The following SIPA1L2 variants were observed in gnomAD, a reference collection of about 807,000 sequenced individuals.
The protein encoded by SIPA1L2 is signal-induced proliferation-associated 1-like protein 2.
A neutral mutation model predicts 163.9 loss-of-function variants in SIPA1L2; 56 were observed. The ratio of observed to expected loss-of-function variants is 0.34; its 90% confidence interval spans 0.28 to 0.43. SIPA1L2 has a LOEUF of 0.43. Ranked by LOEUF, SIPA1L2 falls within the 20% of genes least tolerant of loss-of-function variation. The probability of loss-of-function intolerance (pLI) is 1.00; values close to 1 mark genes in which losing one functional copy is unlikely to be tolerated. For missense variants in SIPA1L2, 1,974 were observed against 2,193.5 expected (o/e 0.90, Z 2.00); for synonymous variants, 877 against 865.7 (o/e 1.01, Z -0.23).
intron 1 of SIPA1L2, among the ~76,000 whole-genome samples, chr1:232,605,320 C>CA (rs1162223571): frequency 6.6e-6 from 1 of 152,154 alleles, no homozygotes; most frequent in Non-Finnish European, 1.5e-5. Flanking sequence ...CCCAGCCACC[C>CA]AAGGTAGTAC....
intron 1 of SIPA1L2, among the ~76,000 whole-genome samples, chr1:232,625,131 CTCTT>C (rs1468559032): frequency 6.6e-6 from 1 of 152,228 alleles, no homozygotes; most frequent in Admixed American, 6.5e-5. Context: ...GTTTGACACA[CTCTT>C]TCAGGATATC....
chr1:232,490,625 G>T (rs1665878323), intron 5 of SIPA1L2: 1 of 392,692 alleles, frequency 2.5e-6, no homozygotes, highest in Non-Finnish European at 4.5e-6. Context: ...ATGCACTCTT[G>T]CAAGCTGGGA....
At chr1:232,537,348 T>C (rs1657369885) in intron 2 of SIPA1L2, among the ~76,000 whole-genome samples, 1 of 152,150 alleles carries the variant, frequency 6.6e-6, no homozygotes, top group African/African-American at 2.4e-5. Flanking sequence ...TCAATAAAAT[T>C]AAGAAATATT....
chr1:232,440,699 T>C (rs1662836940), intron 14 of SIPA1L2, among the ~76,000 whole-genome samples: 1 of 152,378 alleles, frequency 6.6e-6, no homozygotes, highest in East Asian at 1.9e-4. Flanking sequence ...ATGTTGGCTT[T>C]ATTTGTAATA....
intron 16 of SIPA1L2, among the ~76,000 whole-genome samples, chr1:232,429,982 A>C (rs1170315909): frequency 6.6e-6 from 1 of 152,224 alleles, no homozygotes; most frequent in Non-Finnish European, 1.5e-5. Flanking sequence ...ATATGTGTTA[A>C]AATATGTGTT....
In SIPA1L2 at chr1:232,509,777, A is replaced by G. The variant is rs111659039; in HGVS notation, c.1483+4080T>C. On this transcript the variant is annotated intron_variant, in intron 3 of 22. Coordinates refer to ENST00000674635, the MANE Select transcript of SIPA1L2 (RefSeq NM_020808.5). ...AAGAGCAGGAGCAGATGCCATTGTA[A>G]CCAATTTCACTTTGAAGTCACACTG... 5.3e-3 allele frequency among the ~76,000 whole-genome samples: 814 copies of G among 152,300 alleles called. 9 individuals carry two copies. The highest frequency in any genetic ancestry group is 0.018 in the African/African-American group (768 of 41,570).
At chr1:232,500,824 G>A (rs928413741) in intron 3 of SIPA1L2, among the ~76,000 whole-genome samples, 3 of 152,142 alleles carry the variant, frequency 2.0e-5, no homozygotes, top group African/African-American at 7.2e-5. Context: ...TGGGTCAAAT[G>A]CTATCAAATA....
At chr1:232,629,612 G>T (rs1663269729) in intron 1 of SIPA1L2, among the ~76,000 whole-genome samples, 1 of 152,200 alleles carries the variant, frequency 6.6e-6, no homozygotes, top group Non-Finnish European at 1.5e-5. Flanking sequence ...CCTTTCAGCC[G>T]ATCGATAACT....
At chr1:232,438,438 A>G (rs1188890627) in intron 15 of SIPA1L2, among the ~76,000 whole-genome samples, 1 of 152,274 alleles carries the variant, frequency 6.6e-6, no homozygotes, top group East Asian at 1.9e-4. Context: ...AGTCTTTGAA[A>G]GTGAAGGCAG....
At chr1:232,571,146 T>A (rs1340546502) in intron 2 of SIPA1L2, among the ~76,000 whole-genome samples, 1 of 152,140 alleles carries the variant, frequency 6.6e-6, no homozygotes, top group Admixed American at 6.5e-5. Context: ...TATCAGTACA[T>A]GTAAAACTCC....
intron 17 of SIPA1L2, among the ~76,000 whole-genome samples, chr1:232,427,188 T>TA (rs1572880821): frequency 6.6e-6 from 1 of 152,210 alleles, no homozygotes; most frequent in Non-Finnish European, 1.5e-5. Context: ...CACCCAAGCT[T>TA]ATACAGTATC....
At chr1:232,463,786 C>A (rs901827936) in intron 9 of SIPA1L2, among the ~76,000 whole-genome samples, 2 of 152,274 alleles carry the variant, frequency 1.3e-5, no homozygotes, top group East Asian at 1.9e-4. Flanking sequence ...TACTTAATCA[C>A]CCCAAACTCT....
intron 14 of SIPA1L2, 74 bp from the exon 15 acceptor site, chr1:232,439,570 G>T: frequency 6.6e-7 from 1 of 1,525,152 alleles, no homozygotes; most frequent in Non-Finnish European, 8.8e-7. Context: ...GACTCAGGGA[G>T]CTACAAGCCA....
chr1:232,551,861 A>AAAT (rs1188375847), intron 2 of SIPA1L2, among the ~76,000 whole-genome samples: 3 of 152,222 alleles, frequency 2.0e-5, no homozygotes, highest in Non-Finnish European at 4.4e-5. Flanking sequence ...CCCCATGAGA[A>AAAT]GAAGTCTCGC....
chr1:232,486,960 G>A (rs1665675817), intron 5 of SIPA1L2, among the ~76,000 whole-genome samples: 1 of 152,190 alleles, frequency 6.6e-6, no homozygotes, highest in South Asian at 2.1e-4. Context: ...CTCAAGCTAA[G>A]CCTAACATTT....
At chr1:232,553,382 G>C (rs982772492) in intron 2 of SIPA1L2, among the ~76,000 whole-genome samples, 2 of 152,028 alleles carry the variant, frequency 1.3e-5, no homozygotes, top group Admixed American at 6.6e-5. Flanking sequence ...GGTACAGGAC[G>C]GGGGGGCGTA....
intron 1 of SIPA1L2, among the ~76,000 whole-genome samples, chr1:232,598,169 A>G (rs563221480): frequency 6.6e-6 from 1 of 152,022 alleles, no homozygotes; most frequent in African/African-American, 2.4e-5. Flanking sequence ...TGGGAGGCCA[A>G]GACAGGAGGA....
At chr1:232,576,792 A>T (rs2102792406) in intron 1 of SIPA1L2, among the ~76,000 whole-genome samples, 1 of 152,354 alleles carries the variant, frequency 6.6e-6, no homozygotes, top group Middle Eastern at 3.4e-3. Flanking sequence ...CTCGTTGCTG[A>T]TACGGGGAAA....
Position 232,595,554 on chromosome 1 carries a change from CCCAG to C in SIPA1L2, c.-318-21336_-318-21333del, listed in dbSNP as rs368765778. On this transcript the variant is annotated intron_variant, in intron 1 of 22. Coordinates refer to ENST00000674635, the MANE Select transcript of SIPA1L2 (RefSeq NM_020808.5). ...GAAGGCCAGGGGTCCGGACGTTCCC[CCCAG>C]CACACTAATCTCATTCCACCCGACT... 3.7e-3 allele frequency among the ~76,000 whole-genome samples: 561 copies of C among 152,278 alleles called. 7 individuals carry two copies. The highest frequency in any genetic ancestry group is 0.031 in the South Asian group (149 of 4,824).
Sources: gnomAD v4.1 joint callset for allele counts (sites outside exome capture counted in the v4.1 genomes callset) on GRCh38, gnomAD v4.1.1 for gene constraint, MANE v1.5 for transcripts, NCBI Gene and HGNC (gene_info 2026-07-23, HGNC 2026-07-21) for gene names.